The following SLC2A9 variants were observed in gnomAD, a reference collection of about 807,000 sequenced individuals.
SLC2A9 encodes the protein solute carrier family 2 member 9.
A neutral mutation model predicts 50.6 loss-of-function variants in SLC2A9; 39 were observed. The observed-to-expected ratio is 0.77, with a 90% CI of 0.60 to 1.01. The LOEUF (loss-of-function observed/expected upper bound fraction) is 1.01. Ranked by LOEUF, SLC2A9 falls within the 50% of genes least tolerant of loss-of-function variation. The pLI, the probability that SLC2A9 is intolerant of heterozygous loss-of-function variation, is 0.00. For missense variants in SLC2A9, 686 were observed against 677.6 expected, an observed-to-expected ratio of 1.01 and a Z score of -0.14; for synonymous variants, 324 against 276.9, an observed-to-expected ratio of 1.17 and a Z score of -1.69.
At chr4:9,981,689 G>C (rs758790112) in intron 4 of SLC2A9, among the ~76,000 whole-genome samples, 2 of 152,172 alleles carry the variant, frequency 1.3e-5, no homozygotes, top group East Asian at 3.8e-4. Flanking sequence ...CGTTATGGCA[G>C]ATGCTATTAT....
chr4:9,824,459 T>C (rs1179503285), downstream of SLC2A9, among the ~76,000 whole-genome samples: 1 of 152,202 alleles, frequency 6.6e-6, no homozygotes, highest in Admixed American at 6.5e-5. Context: ...CTGACAGTCA[T>C]AGTGTTCCCC....
chr4:9,859,249 C>CCTGA (rs3060765), intron 10 of SLC2A9, among the ~76,000 whole-genome samples: 146,240 of 152,156 alleles, frequency 0.96, 70,435 homozygotes, highest in African/African-American at 0.99. Flanking sequence ...TCTAAAGAAC[C>CCTGA]CTATTATAGG....
At chr4:10,025,594 T>C (rs1385684214), upstream of SLC2A9, 5 of 353,908 alleles carry the variant, frequency 1.4e-5, no homozygotes, top group African/African-American at 1.0e-4. Flanking sequence ...TCTTTAACGA[T>C]GATGACATAA....
downstream of SLC2A9, chr4:9,799,056 G>A (rs963224019): frequency 6.6e-6 from 1 of 152,206 alleles, no homozygotes. Context: ...TGACTCCTAT[G>A]TTCCCTGGCT....
chr4:9,863,597 A>G (rs369602833), intron 10 of SLC2A9, among the ~76,000 whole-genome samples: 3 of 152,200 alleles, frequency 2.0e-5, no homozygotes, highest in East Asian at 3.9e-4. Flanking sequence ...TTAAGGCATA[A>G]TTCTGACAAG....
chr4:10,002,393 T>C (rs1312250785), intron 2 of SLC2A9, among the ~76,000 whole-genome samples: 1 of 152,216 alleles, frequency 6.6e-6, no homozygotes, highest in Non-Finnish European at 1.5e-5. Flanking sequence ...GCCTGAGAGT[T>C]ATATAACCTG....
At chr4:9,979,698 C>T (rs1012222648) in intron 5 of SLC2A9, among the ~76,000 whole-genome samples, 2 of 152,150 alleles carry the variant, frequency 1.3e-5, no homozygotes, top group Non-Finnish European at 2.9e-5. Context: ...CCTTCTAACA[C>T]TGATCTGGCC....
At chr4:9,848,648 G>T (rs1316128820) in intron 10 of SLC2A9, among the ~76,000 whole-genome samples, 1 of 151,842 alleles carries the variant, frequency 6.6e-6, no homozygotes, top group Non-Finnish European at 1.5e-5. Context: ...ATGTGCAGAT[G>T]AAGGGAAAAT....
intron 3 of SLC2A9, among the ~76,000 whole-genome samples, chr4:9,818,662 C>G (rs896903664): frequency 6.6e-6 from 1 of 152,240 alleles, no homozygotes; most frequent in Admixed American, 6.5e-5. Context: ...GGGAAGAGTG[C>G]TCAGAGGAGC....
chr4:9,976,377 G>T (rs1025838516), intron 5 of SLC2A9, among the ~76,000 whole-genome samples: 2 of 152,032 alleles, frequency 1.3e-5, no homozygotes, highest in Non-Finnish European at 2.9e-5. Context: ...AAGCTTCGTT[G>T]TCTCAGTCTT....
upstream of SLC2A9, chr4:10,025,731 A>T: frequency 1.6e-6 from 1 of 625,858 alleles, no homozygotes; most frequent in East Asian, 2.8e-5. Flanking sequence ...CATCCCAGAC[A>T]CTCTACAATC....
At chr4:9,778,910 C>T (rs1717931273), downstream of SLC2A9, among the ~76,000 whole-genome samples, 2 of 151,952 alleles carry the variant, frequency 1.3e-5, no homozygotes. Context: ...ACCTCTGCCT[C>T]CCGCACACCA....
At chr4:9,879,060 T>C (rs1734761556) in intron 10 of SLC2A9, 1 of 985,126 alleles carries the variant, frequency 1.0e-6, no homozygotes, top group Non-Finnish European at 1.2e-6. Context: ...TGACCCACTG[T>C]CAGGCTGTGT....
At chr4:9,892,178 C>T (rs1289855236) in intron 8 of SLC2A9, among the ~76,000 whole-genome samples, 1 of 152,360 alleles carries the variant, frequency 6.6e-6, no homozygotes, top group South Asian at 2.1e-4. Flanking sequence ...GGGTGAGTGA[C>T]AGCTGCCTGT....
downstream of SLC2A9, among the ~76,000 whole-genome samples, chr4:9,797,606 G>T (rs1386039221): frequency 1.3e-5 from 2 of 152,114 alleles, no homozygotes; most frequent in African/African-American, 4.8e-5. Context: ...GAAGATTCAA[G>T]TTATCAACTG....
chr4:9,796,788 T>C (rs1279185354), downstream of SLC2A9, among the ~76,000 whole-genome samples: 2 of 152,120 alleles, frequency 1.3e-5, no homozygotes, highest in African/African-American at 4.8e-5. Context: ...TCCAGGGAAG[T>C]AGCAGCAGTT....
chr4:9,802,559 C>CTTTTTTTTTTTTTTTTTTTTTTTTTTTT (rs1238703528), intron 3 of SLC2A9, among the ~76,000 whole-genome samples: 1 of 127,036 alleles, frequency 7.9e-6, no homozygotes, highest in Non-Finnish European at 1.6e-5. Context: ...TTGTTCTTTT[C>CTTTTTTTTTTTTTTTTTTTTTTTTTTTT]TTTTTTTTTT....
intron 3 of SLC2A9, among the ~76,000 whole-genome samples, chr4:9,993,935 G>C (rs141283347): frequency 6.6e-6 from 1 of 152,274 alleles, no homozygotes; most frequent in African/African-American, 2.4e-5. Flanking sequence ...CCCCACTGCT[G>C]GAGCAGCCAG....
downstream of SLC2A9, chr4:9,826,088 G>A: frequency 5.7e-6 from 2 of 349,324 alleles, no homozygotes; most frequent in Non-Finnish European, 1.1e-5. Flanking sequence ...TGAAATCATG[G>A]GTTGAGTCAT....
Sources: gnomAD v4.1 joint callset for allele counts (sites outside exome capture counted in the v4.1 genomes callset) on GRCh38, gnomAD v4.1.1 for gene constraint, MANE v1.5 for transcripts, NCBI Gene and HGNC (gene_info 2026-07-23, HGNC 2026-07-21) for gene names.